Variants in CDH13 observed in about 807,000 individuals in gnomAD.
CDH13 encodes the protein cadherin 13.
A neutral mutation model predicts 63.8 loss-of-function variants in CDH13; 24 were observed. That is an observed-to-expected ratio of 0.38 (90% confidence interval 0.27 to 0.53). The LOEUF is 0.53. Ranked by LOEUF, CDH13 falls within the 20% of genes least tolerant of loss-of-function variation. The pLI is 0.85. For missense variants in CDH13, 1,049 were observed against 903.1 expected, an observed-to-expected ratio of 1.16 and a Z score of -2.07; for synonymous variants, 503 against 355.3, an observed-to-expected ratio of 1.42 and a Z score of -4.67.
intron 1 of CDH13, among the ~76,000 whole-genome samples, chr16:82,742,498 G>T (rs1436657555): frequency 6.6e-6 from 1 of 152,076 alleles, no homozygotes; most frequent in Admixed American, 6.5e-5. Context: ...GTGAGTTTCT[G>T]CTACTTTTGA....
intron 6 of CDH13, among the ~76,000 whole-genome samples, chr16:83,422,575 T>C (rs1032224749): frequency 2.6e-5 from 4 of 152,234 alleles, no homozygotes; most frequent in African/African-American, 4.8e-5. Flanking sequence ...TTCTGGTGTC[T>C]GGTTCAAAAA....
chr16:83,733,483 C>T (rs531874917), intron 10 of CDH13, among the ~76,000 whole-genome samples: 17 of 152,316 alleles, frequency 1.1e-4, no homozygotes, highest in South Asian at 8.3e-4. Flanking sequence ...ACAGCTGCCT[C>T]TAAGTACCTC....
At chr16:82,908,230 A>G (rs999849532) in intron 2 of CDH13, among the ~76,000 whole-genome samples, 7 of 152,150 alleles carry the variant, frequency 4.6e-5, no homozygotes, top group African/African-American at 1.7e-4. Context: ...CATGAATACA[A>G]AAGGTGATGG....
intron 3 of CDH13, among the ~76,000 whole-genome samples, chr16:83,124,019 G>A (rs1287882667): frequency 6.6e-6 from 1 of 152,086 alleles, no homozygotes; most frequent in Non-Finnish European, 1.5e-5. Context: ...AAGAATGTCT[G>A]TTCATGTTGT....
At chr16:83,546,564 A>T (rs2075390069) in intron 7 of CDH13, among the ~76,000 whole-genome samples, 1 of 151,808 alleles carries the variant, frequency 6.6e-6, no homozygotes, top group Non-Finnish European at 1.5e-5. Flanking sequence ...ACATCTTGGG[A>T]TTGGCGCCAT....
intron 5 of CDH13, among the ~76,000 whole-genome samples, chr16:83,298,762 G>T (rs988558095): frequency 6.6e-6 from 1 of 152,200 alleles, no homozygotes; most frequent in Non-Finnish European, 1.5e-5. Context: ...CAGTATGCCT[G>T]CTTCACTGAG....
At chr16:82,757,003 T>C (rs1450411447) in intron 1 of CDH13, among the ~76,000 whole-genome samples, 6 of 152,154 alleles carry the variant, frequency 3.9e-5, no homozygotes, top group African/African-American at 1.4e-4. Context: ...GACCTTTCCT[T>C]TTCCTCTTTC....
intron 8 of CDH13, among the ~76,000 whole-genome samples, chr16:83,611,589 C>T (rs955772010): frequency 6.6e-6 from 1 of 151,606 alleles, no homozygotes; most frequent in African/African-American, 2.4e-5. Flanking sequence ...TTTTCAAACC[C>T]CTCCCTAGAA....
At chr16:83,464,862 T>A (rs923062821) in intron 6 of CDH13, among the ~76,000 whole-genome samples, 2 of 152,182 alleles carry the variant, frequency 1.3e-5, no homozygotes, top group Non-Finnish European at 2.9e-5. Context: ...AGGTGGGTCT[T>A]GAACGCCTGA....
At chr16:83,378,799 C>T (rs569783146) in intron 6 of CDH13, among the ~76,000 whole-genome samples, 15 of 152,230 alleles carry the variant, frequency 9.9e-5, no homozygotes, top group African/African-American at 2.9e-4. Context: ...GTAGAACTGT[C>T]GTGACCATTA....
At chr16:83,113,655 C>T (rs2035168029) in intron 3 of CDH13, among the ~76,000 whole-genome samples, 1 of 152,042 alleles carries the variant, frequency 6.6e-6, no homozygotes, top group African/African-American at 2.4e-5. Context: ...AGCCAATCCT[C>T]ATAGCAAAAG....
chr16:82,755,406 G>C (rs1427373909), intron 1 of CDH13, among the ~76,000 whole-genome samples: 2 of 152,228 alleles, frequency 1.3e-5, no homozygotes, highest in African/African-American at 4.8e-5. Context: ...GGGAAGATTA[G>C]AAAAGGGAGT....
intron 8 of CDH13, among the ~76,000 whole-genome samples, chr16:83,669,280 C>A (rs1018021281): frequency 3.3e-5 from 5 of 152,210 alleles, no homozygotes; most frequent in South Asian, 4.2e-4. Context: ...GATTTTCATG[C>A]GCTTTAACCC....
intron 1 of CDH13, among the ~76,000 whole-genome samples, chr16:82,811,387 A>G (rs2037438661): frequency 1.3e-5 from 2 of 152,164 alleles, no homozygotes; most frequent in African/African-American, 2.4e-5. Context: ...AGGTTTAGTA[A>G]CTATTGCAAT....
intron 6 of CDH13, among the ~76,000 whole-genome samples, chr16:83,402,156 A>G (rs555933486): frequency 2.0e-5 from 3 of 152,166 alleles, no homozygotes; most frequent in African/African-American, 4.8e-5. Flanking sequence ...CTAGCCTAGT[A>G]TTATTATTAT....
rs1235087472 is a variant in CDH13, at chr16:83,026,807, A to T, written c.158-5203A>T. On this transcript the variant is annotated intron_variant, in intron 2 of 13. Coordinates refer to ENST00000567109, the MANE Select transcript of CDH13 (RefSeq NM_001257.5). Reference sequence around the variant, plus strand: ...CCAAGCATCACTTCATTCAAAATGCACACACTGATTCCAACCATTCTTTGG... The same window carrying T: ...CCAAGCATCACTTCATTCAAAATGCTCACACTGATTCCAACCATTCTTTGG... Among the ~76,000 whole-genome samples, 6 of 152,306 alleles carry T rather than the reference A, an allele frequency of 3.9e-5. No homozygotes were observed. In the South Asian group the frequency reaches 1.2e-3, roughly 32 times the overall value.
At chr16:82,632,993 C>T (rs1433149486) in intron 1 of CDH13, among the ~76,000 whole-genome samples, 2 of 152,142 alleles carry the variant, frequency 1.3e-5, no homozygotes, top group Admixed American at 1.3e-4. Context: ...TCCAGTGCCA[C>T]GGCTGATCTG....
chr16:82,844,822 T>C (rs1567593670), intron 1 of CDH13: 1 of 58,602 alleles, frequency 1.7e-5, no homozygotes, highest in African/African-American at 6.6e-5. Flanking sequence ...ATTTTTATTT[T>C]TTTTTTGTAT....
chr16:83,129,058 T>C (rs2035935983), intron 4 of CDH13, among the ~76,000 whole-genome samples: 1 of 152,240 alleles, frequency 6.6e-6, no homozygotes, highest in Non-Finnish European at 1.5e-5. Context: ...TCTATTTATC[T>C]GTCTTACTCT....
Sources: gnomAD v4.1 joint callset for allele counts (sites outside exome capture counted in the v4.1 genomes callset) on GRCh38, gnomAD v4.1.1 for gene constraint, MANE v1.5 for transcripts, NCBI Gene and HGNC (gene_info 2026-07-23, HGNC 2026-07-21) for gene names.